Variants in FBXL4 observed in about 807,000 individuals in gnomAD.
FBXL4 encodes the protein F-box and leucine rich repeat protein 4, also known as F-box/LRR-repeat protein 4.
In FBXL4, 40 loss-of-function variants were observed where a neutral mutation model predicts 58.9. The observed-to-expected ratio is 0.68, with a 90% CI of 0.53 to 0.88. The LOEUF is 0.88. FBXL4 is among the 40% of genes least tolerant of loss of function. FBXL4 has a pLI of 0.00. For synonymous variants in FBXL4, 263 were observed against 265.5 expected (o/e 0.99, Z 0.09); for missense variants, 676 against 734.4 (o/e 0.92, Z 0.92).
chr6:98,930,709 G>A (rs1289405055), intron 2 of FBXL4, among the ~76,000 whole-genome samples: 1 of 152,146 alleles, frequency 6.6e-6, no homozygotes, highest in African/African-American at 2.4e-5. Context: ...TCGTGTCACT[G>A]TACTCCAGCC....
In FBXL4 at chr6:98,946,216, A is replaced by C. The variant is rs560938159; in HGVS notation, c.-309+1590T>G. On this transcript the variant is annotated intron_variant, in intron 1 of 9. Transcript: ENST00000369244. ...ACCGTTCAGAAAGTCCCAAGAATAC[A>C]CGGGAATTTAGGGCCTATGGTATTT... 2.0e-5 allele frequency among the ~76,000 whole-genome samples: 3 copies of C among 152,302 alleles called. No homozygotes were observed. The East Asian group carries it at 5.8e-4, about 29-fold the overall frequency.
chr6:98,945,295 T>C (rs546010832), intron 1 of FBXL4, among the ~76,000 whole-genome samples: 3 of 152,086 alleles, frequency 2.0e-5, no homozygotes, highest in Non-Finnish European at 4.4e-5. Flanking sequence ...ATTCCTACAA[T>C]GAAATACCAA....
At chr6:98,922,984 T>C (rs938267675) in intron 4 of FBXL4, among the ~76,000 whole-genome samples, 1 of 152,234 alleles carries the variant, frequency 6.6e-6, no homozygotes, top group Non-Finnish European at 1.5e-5. Context: ...ATCAGTTCTA[T>C]GTGCCACCCT....
At chr6:98,945,735 T>C (rs2064147) in intron 1 of FBXL4, among the ~76,000 whole-genome samples, 30 of 152,258 alleles carry the variant, frequency 2.0e-4, no homozygotes, top group African/African-American at 7.2e-4. Context: ...CATTTTTCTC[T>C]TAGAAACCAG....
intron 7 of FBXL4, among the ~76,000 whole-genome samples, chr6:98,886,709 C>T (rs892088455): frequency 1.1e-4 from 17 of 152,184 alleles, no homozygotes; most frequent in Admixed American, 1.1e-3. Context: ...ACTGCGGATA[C>T]TGCAGGACCA....
At position 98,941,474 on chromosome 6, in the gene FBXL4, G is replaced by C. The variant is rs533909329; in HGVS notation, c.-309+6332C>G. ...AAGGAATTTTTAGGATGATGTAACT[G>C]TTCTGTGTGCTTTTGTTTTCAGTCA... On this transcript the variant is annotated intron_variant, in intron 1 of 9. Transcript: ENST00000369244. Among the ~76,000 whole-genome samples, 6 of 152,284 alleles carry C rather than the reference G, an allele frequency of 3.9e-5. No homozygotes were observed. In the South Asian group the frequency reaches 1.0e-3, roughly 26 times the overall value.
At chr6:98,876,600 C>T in intron 8 of FBXL4, among the ~76,000 whole-genome samples, 1 of 152,092 alleles carries the variant, frequency 6.6e-6, no homozygotes, top group Non-Finnish European at 1.5e-5. Flanking sequence ...GAGACACTGT[C>T]CATATTTTTA....
chr6:98,902,907 A>G (rs539488515), intron 6 of FBXL4, among the ~76,000 whole-genome samples: 21 of 152,276 alleles, frequency 1.4e-4, no homozygotes, highest in African/African-American at 4.8e-4. Context: ...TAGGATTTTA[A>G]TAACTGATTA....
At chr6:98,902,137 A>C (rs954794087) in intron 6 of FBXL4, among the ~76,000 whole-genome samples, 8 of 152,178 alleles carry the variant, frequency 5.3e-5, no homozygotes, top group Non-Finnish European at 1.0e-4. Flanking sequence ...TCACAAAATA[A>C]AAGGTAATAG....
At chr6:98,934,516 C>T (rs993959698) in intron 2 of FBXL4, among the ~76,000 whole-genome samples, 2 of 152,028 alleles carry the variant, frequency 1.3e-5, no homozygotes, top group African/African-American at 4.8e-5. Flanking sequence ...AAAGGCCAAG[C>T]ATTAGAAAAA....
intron 7 of FBXL4, chr6:98,896,910 T>C (rs1277930200): frequency 1.0e-6 from 1 of 984,862 alleles, no homozygotes; most frequent in Non-Finnish European, 1.2e-6. Flanking sequence ...AATTTGGTCA[T>C]ATCTATCAGT....
chr6:98,943,139 GTTA>G (rs1474357029), intron 1 of FBXL4, among the ~76,000 whole-genome samples: 1 of 152,100 alleles, frequency 6.6e-6, no homozygotes, highest in African/African-American at 2.4e-5. Flanking sequence ...TTGTACTGTA[GTTA>G]TGCAAGGTGT....
chr6:98,909,967 T>A (rs1436968598), intron 5 of FBXL4, among the ~76,000 whole-genome samples: 4 of 152,228 alleles, frequency 2.6e-5, no homozygotes, highest in Non-Finnish European at 5.9e-5. Context: ...AGAGGCATTA[T>A]AGTTACTATT....
rs1318668485 is a variant in FBXL4 at position 98,869,195 on chromosome 6, T to A, written c.*5083A>T. The A allele has an allele frequency of 6.6e-6, 1 of 152,238 alleles. No individual in the cohort carries two copies. Among genetic ancestry groups the A allele is most frequent in the Non-Finnish European group, 1.5e-5 (1 of 68,042 alleles). 9.4% of individuals were successfully genotyped at this position (152,238 alleles called of 1,614,324 possible). A position where few individuals can be genotyped will look rare whatever the true frequency, so the allele number is the denominator to read the frequency against. On this transcript the variant is annotated 3_prime_UTR_variant, in exon 10 of 10. Transcript: ENST00000369244. ...GGTAGTTAAAAAAGTTTCTCTGAAG[T>A]ATCAATATCAAATGTGCTAAAAGGA...
intron 5 of FBXL4, among the ~76,000 whole-genome samples, chr6:98,909,996 G>T (rs1771969075): frequency 6.6e-6 from 1 of 152,106 alleles, no homozygotes; most frequent in South Asian, 2.1e-4. Context: ...ACATTCAAAA[G>T]GCTATCTTAC....
intron 7 of FBXL4, among the ~76,000 whole-genome samples, chr6:98,882,763 G>A (rs1383547720): frequency 6.6e-6 from 1 of 151,946 alleles, no homozygotes; most frequent in Non-Finnish European, 1.5e-5. Context: ...TATACGTTAT[G>A]TATCCATAAG....
chr6:98,928,671 C>T (rs1397370431), intron 2 of FBXL4, among the ~76,000 whole-genome samples: 1 of 152,180 alleles, frequency 6.6e-6, no homozygotes, highest in Non-Finnish European at 1.5e-5. Context: ...TCTTCCAAAA[C>T]TTCAGCACTA....
At chr6:98,924,512 G>A (rs541837956) in intron 4 of FBXL4, among the ~76,000 whole-genome samples, 4 of 152,240 alleles carry the variant, frequency 2.6e-5, no homozygotes, top group Middle Eastern at 3.4e-3. Context: ...AGCCAAGATC[G>A]TGCCACTACA....
intron 7 of FBXL4, among the ~76,000 whole-genome samples, chr6:98,892,469 C>A (rs1448050760): frequency 1.3e-5 from 2 of 152,196 alleles, no homozygotes; most frequent in Non-Finnish European, 2.9e-5. Flanking sequence ...GAAAGCTCAT[C>A]CCTGCTCTAC....
Sources: gnomAD v4.1 joint callset for allele counts (sites outside exome capture counted in the v4.1 genomes callset) on GRCh38, gnomAD v4.1.1 for gene constraint, MANE v1.5 for transcripts, NCBI Gene and HGNC (gene_info 2026-07-23, HGNC 2026-07-21) for gene names.